Variants in SPOCK3 observed in about 807,000 individuals in gnomAD.
SPOCK3 encodes the protein SPARC (osteonectin), cwcv and kazal like domains proteoglycan 3, also known as testican-3.
In SPOCK3, 30 loss-of-function variants were observed where a neutral mutation model predicts 56.6. The ratio of observed to expected loss-of-function variants is 0.53; its 90% confidence interval spans 0.40 to 0.72. SPOCK3 has a LOEUF of 0.72. SPOCK3 is among the 30% of genes least tolerant of loss of function. The probability of loss-of-function intolerance (pLI) is 0.00; values close to 1 mark genes in which losing one functional copy is unlikely to be tolerated. For missense variants in SPOCK3, 527 were observed against 530.0 expected, an observed-to-expected ratio of 0.99 and a Z score of 0.06; for synonymous variants, 196 against 183.3, an observed-to-expected ratio of 1.07 and a Z score of -0.56.
chr4:167,062,590 G>T (rs931838693), intron 2 of SPOCK3, 53 bp from the exon 3 acceptor site: 8 of 1,382,624 alleles, frequency 5.8e-6, no homozygotes, highest in African/African-American at 4.3e-5. Context: ...AAAACGCAAG[G>T]GTTCATATAA....
intron 8 of SPOCK3, among the ~76,000 whole-genome samples, chr4:166,749,359 CTA>C (rs10554223): frequency 0.79 from 96,029 of 122,178 alleles, 39,325 homozygotes; most frequent in South Asian, 0.82. Context: ...AAGCTGGAAA[CTA>C]TCATTCTGAG....
intron 4 of SPOCK3, among the ~76,000 whole-genome samples, chr4:166,951,743 T>G (rs1011191495): frequency 1.4e-5 from 2 of 143,516 alleles, no homozygotes; most frequent in African/African-American, 5.7e-5. Context: ...CATGATCAAG[T>G]GGGCTTCATC....
At chr4:166,740,043 G>T (rs551856018) in intron 9 of SPOCK3, among the ~76,000 whole-genome samples, 1 of 152,076 alleles carries the variant, frequency 6.6e-6, no homozygotes, top group African/African-American at 2.4e-5. Context: ...ACATAAACAT[G>T]TTATGATGTA....
At chr4:167,059,839 C>A (rs1755380423) in intron 3 of SPOCK3, among the ~76,000 whole-genome samples, 1 of 152,156 alleles carries the variant, frequency 6.6e-6, no homozygotes, top group African/African-American at 2.4e-5. Context: ...ATGATGAGTT[C>A]ATGTCCTTTA....
chr4:167,051,800 C>T (rs1175003574), intron 3 of SPOCK3, among the ~76,000 whole-genome samples: 3 of 152,208 alleles, frequency 2.0e-5, no homozygotes, highest in Admixed American at 6.5e-5. Context: ...GGTTCCATTT[C>T]TAGATTGTGT....
Position 166,908,637 on chromosome 4 carries a change from A to G in SPOCK3, c.474+3983T>C, listed in dbSNP as rs183512686. On this transcript the variant is annotated intron_variant, in intron 5 of 10. Transcript: ENST00000357545. ...ATTGCCAAGCACTGCATCACTAAAT[A>G]TGATAGAAAAGAGTTTAAAATCATC... is the stretch of plus-strand genomic sequence containing the variant. Among the ~76,000 whole-genome samples, 690 of 152,114 alleles carry G rather than the reference A, an allele frequency of 4.5e-3. 5 individuals carry two copies. The highest frequency in any genetic ancestry group is 0.016 in the African/African-American group (661 of 41,552).
intron 6 of SPOCK3, among the ~76,000 whole-genome samples, chr4:166,797,203 A>T (rs2126674102): frequency 6.9e-6 from 1 of 145,412 alleles, no homozygotes; most frequent in South Asian, 2.2e-4. Context: ...ATAAATATTT[A>T]TAATTTAAGT....
At chr4:166,791,075 T>C (rs1266966799) in intron 7 of SPOCK3, among the ~76,000 whole-genome samples, 1 of 152,116 alleles carries the variant, frequency 6.6e-6, no homozygotes, top group Non-Finnish European at 1.5e-5. Context: ...AAATGAAAAA[T>C]ACTACAATTT....
At chr4:166,747,875 C>T (rs1264395052) in intron 8 of SPOCK3, among the ~76,000 whole-genome samples, 3 of 151,940 alleles carry the variant, frequency 2.0e-5, no homozygotes, top group African/African-American at 7.3e-5. Context: ...TGAGTGAACT[C>T]CCATTCATAA....
intron 6 of SPOCK3, among the ~76,000 whole-genome samples, chr4:166,847,647 T>TTATATGTATATATATATATA (rs1748206941): frequency 1.8e-5 from 1 of 55,368 alleles, no homozygotes; most frequent in Non-Finnish European, 4.1e-5. Context: ...AAATCCTAGT[T>TTATATGTATATATATATATA]TATATATATA....
At chr4:166,993,318 T>A (rs996328489) in intron 4 of SPOCK3, among the ~76,000 whole-genome samples, 13 of 152,164 alleles carry the variant, frequency 8.5e-5, no homozygotes, top group South Asian at 2.1e-4. Flanking sequence ...AGGCGTCTAG[T>A]GCCTATGAAT....
intron 2 of SPOCK3, among the ~76,000 whole-genome samples, chr4:167,104,441 A>T (rs763392508): frequency 6.6e-6 from 1 of 152,178 alleles, no homozygotes; most frequent in African/African-American, 2.4e-5. Flanking sequence ...TGCAATTGCC[A>T]TACTGAACAA....
intron 2 of SPOCK3, among the ~76,000 whole-genome samples, chr4:167,167,743 T>G (rs932538320): frequency 6.6e-6 from 1 of 152,156 alleles, no homozygotes; most frequent in African/African-American, 2.4e-5. Flanking sequence ...CAATATATAC[T>G]TATAATTCTG....
intron 2 of SPOCK3, among the ~76,000 whole-genome samples, chr4:167,099,216 G>A (rs981615124): frequency 1.3e-5 from 2 of 151,564 alleles, no homozygotes; most frequent in African/African-American, 4.8e-5. Context: ...TGTATTAAAA[G>A]CATAAAACTG....
intron 6 of SPOCK3, among the ~76,000 whole-genome samples, chr4:166,858,464 T>C (rs990721644): frequency 1.3e-5 from 2 of 152,172 alleles, no homozygotes; most frequent in Admixed American, 6.6e-5. Context: ...CTTTACCTCA[T>C]AGTATAGCAT....
Position 167,234,014 on chromosome 4 carries a change from C to G in SPOCK3, c.160G>C (p.Glu54Gln). 1 of 1,614,006 alleles carries G rather than the reference C, an allele frequency of 6.2e-7. No homozygotes were observed. The highest frequency in any genetic ancestry group is 8.5e-7 in the Non-Finnish European group (1 of 1,179,960). Reference sequence around the variant, plus strand: ...CGGAATTTGTTCCACTGTCCGACTTCCTTGTCATACTGAGAGATTGTGGTG... The same window carrying G: ...CGGAATTTGTTCCACTGTCCGACTTGCTTGTCATACTGAGAGATTGTGGTG... Reference protein sequence around the residue: ...WLTTISQYDKEVGQWNKFRDD... With the variant: ...WLTTISQYDKQVGQWNKFRDD... Residue 54 changes from glutamate (E) to glutamine (Q), a missense_variant, in exon 2 of 11, where the codon GAA becomes CAA. Glu to Gln is a conservative substitution (Grantham distance 29). Coordinates refer to ENST00000357545, the MANE Select transcript of SPOCK3 (RefSeq NM_001040159.2).
chr4:166,933,602 T>C (rs1441287025), intron 4 of SPOCK3, among the ~76,000 whole-genome samples: 1 of 152,210 alleles, frequency 6.6e-6, no homozygotes, highest in Non-Finnish European at 1.5e-5. Context: ...ATGTGAATCT[T>C]CCATGTCTGC....
At position 167,118,339 on chromosome 4, in the gene SPOCK3, T is replaced by C. The variant is rs373703822; in HGVS notation, c.190-55802A>G. On this transcript the variant is annotated intron_variant, in intron 2 of 10. Coordinates refer to ENST00000357545, the MANE Select transcript of SPOCK3 (RefSeq NM_001040159.2). ...ATAATCACTTATAAATCCAGTGTAATTATTTCCTTACTTTTCTTTCGGTTA... is the reference window on the plus strand; with the variant it reads ...ATAATCACTTATAAATCCAGTGTAACTATTTCCTTACTTTTCTTTCGGTTA... Among the ~76,000 whole-genome samples, 309 of 152,264 alleles carry C rather than the reference T, an allele frequency of 2.0e-3. 1 individual carries two copies. The highest frequency in any genetic ancestry group is 6.0e-3 in the African/African-American group (249 of 41,560).
At chr4:166,982,240 G>A (rs887166289) in intron 4 of SPOCK3, among the ~76,000 whole-genome samples, 4 of 152,164 alleles carry the variant, frequency 2.6e-5, no homozygotes, top group Non-Finnish European at 4.4e-5. Context: ...GGCTGCTGCC[G>A]CCATCAGTGT....
Sources: allele counts gnomAD v4.1 joint callset (sites outside exome capture counted in the v4.1 genomes callset), GRCh38; gene constraint gnomAD v4.1.1; transcripts MANE v1.5; gene names NCBI Gene and HGNC (gene_info 2026-07-23, HGNC 2026-07-21).